The following TRIML1 variants were observed in gnomAD, a reference collection of about 807,000 sequenced individuals.
TRIML1 encodes the protein probable E3 ubiquitin-protein ligase TRIML1.
In TRIML1, 34 loss-of-function variants were observed where a neutral mutation model predicts 32.3. The ratio of observed to expected loss-of-function variants is 1.05; its 90% CI spans 0.80 to 1.40. The LOEUF (loss-of-function observed/expected upper bound fraction) is 1.40, where lower values mean the gene tolerates loss of function less well. Among genes scored for constraint, TRIML1 ranks in the 40% most tolerant of loss-of-function variants. The pLI is 0.00. For missense variants in TRIML1, 595 were observed against 574.9 expected, an observed-to-expected ratio of 1.03 and a Z score of -0.36; for synonymous variants, 244 against 226.6, an observed-to-expected ratio of 1.08 and a Z score of -0.69.
rs567599035 is a variant in TRIML1 at position 188,139,799 on chromosome 4, C to T, written c.241C>T (p.Leu81Phe). The T allele has an allele frequency of 6.2e-6, 10 of 1,613,944 alleles. No individual in the cohort carries two copies. The Admixed American group carries it at 1.3e-4, about 22-fold the overall frequency. The change falls in exon 1 of 6, where the codon CTC (leucine) becomes TTC (phenylalanine). Residue 81 changes from leucine to phenylalanine, a missense_variant. Transcript: ENST00000332517. ...LGRLASIARQLRSQVLQSEDE... is the reference protein window; with the variant it reads ...LGRLASIARQFRSQVLQSEDE... ...GAGGCTGGCCAGCATCGCCAGGCAG[C>T]TCCGGTCCCAGGTGCTGCAGAGCGA... is the stretch of plus-strand genomic sequence containing the variant.
In TRIML1 at chr4:188,142,486, A is replaced by G; in HGVS notation, c.735+4A>G. The G allele has an allele frequency of 1.2e-6, 2 of 1,607,818 alleles. No individual in the cohort carries two copies. Among genetic ancestry groups the G allele is most frequent in the Non-Finnish European group, 1.7e-6 (2 of 1,175,136 alleles). Reference sequence around the variant, plus strand: ...CTCGGCTTTCGAATCTCTTGAGGTGAGAATAACATTCATGAGAGTAATGGG... The same window carrying G: ...CTCGGCTTTCGAATCTCTTGAGGTGGGAATAACATTCATGAGAGTAATGGG... On this transcript the variant is annotated splice_donor_region_variant and intron_variant, in intron 3 of 5. Transcript: ENST00000332517.
chr4:188,139,574 C>T lies in TRIML1; in HGVS notation c.16C>T (p.Leu6=), dbSNP rs1356766043. 1 of 1,591,086 alleles carries T rather than the reference C, an allele frequency of 6.3e-7. No homozygotes were observed. Among genetic ancestry groups the T allele is most frequent in the South Asian group, 1.1e-5 (1 of 88,556 alleles). The change falls in exon 1 of 6, where the codon CTG becomes TTG. Residue 6 remains leucine, a synonymous_variant. Transcript: ENST00000332517. ...CCTCGAGAAAATGTCTACAGCAGAT[C>T]TGATGGAGAACCTCAGGGAGGAACT... MSTAD[L]MENLREELTC...
At chr4:188,148,422 C>T (rs757757430), downstream of TRIML1, among the ~76,000 whole-genome samples, 9 of 151,668 alleles carry the variant, frequency 5.9e-5, no homozygotes, top group Non-Finnish European at 8.8e-5. Context: ...TGAACCCGGG[C>T]GGCGGAGGTT....
intron 3 of TRIML1, chr4:188,143,257 T>C (rs7375581): frequency 0.4 from 61,516 of 152,204 alleles, 13,789 homozygotes; most frequent in Non-Finnish European, 0.5. Context: ...GGTTTCACAA[T>C]GTTGGCCAGG....
intron 2 of TRIML1, 111 bp downstream of exon 2, chr4:188,140,734 T>A: frequency 1.3e-6 from 1 of 785,874 alleles, no homozygotes; most frequent in South Asian, 1.7e-5. Context: ...CAGTCTCACC[T>A]CTAAAATATG....
In TRIML1 at chr4:188,142,365, G is replaced by T. The variant is rs1416835599; in HGVS notation, c.618G>T (p.Glu206Asp). 1 of 1,613,726 alleles carries T rather than the reference G, an allele frequency of 6.2e-7. No individual in the cohort carries two copies. The highest frequency in any genetic ancestry group is 1.7e-5 in the Admixed American group (1 of 59,914). ...QLQLLEQEEKENMRKLRNNEI... is the reference protein window; with the variant it reads ...QLQLLEQEEKDNMRKLRNNEI... ...AGCTACTAGAACAGGAAGAGAAAGA[G>T]AACATGAGGAAGCTGAGGAACAATG... Residue 206 changes from glutamate to aspartate, a missense_variant, in exon 3 of 6, where the codon GAG (glutamate) becomes GAT (aspartate). Physicochemically the swap from Glu to Asp is conservative, Grantham distance 45. Coordinates refer to ENST00000332517, the MANE Select transcript of TRIML1 (RefSeq NM_178556.5).
downstream of TRIML1, among the ~76,000 whole-genome samples, chr4:188,148,710 C>A (rs1380300199): frequency 6.6e-6 from 1 of 151,310 alleles, no homozygotes; most frequent in Non-Finnish European, 1.5e-5. Context: ...TCAAGCAATT[C>A]TCCTGCCTCA....
chr4:188,137,780 T>C (rs1162349275), upstream of TRIML1, among the ~76,000 whole-genome samples: 1 of 151,186 alleles, frequency 6.6e-6, no homozygotes, highest in African/African-American at 2.4e-5. Flanking sequence ...CCCGGCCTAA[T>C]TTTCATATTT....
At chr4:188,140,752 C>T (rs1447337480) in intron 2 of TRIML1, 129 bp downstream of exon 2, 2 of 685,450 alleles carry the variant, frequency 2.9e-6, no homozygotes, top group African/African-American at 1.8e-5. Flanking sequence ...ATGCAGTTTC[C>T]TTGCATTGGG....
downstream of TRIML1, among the ~76,000 whole-genome samples, chr4:188,149,326 T>A (rs186333329): frequency 2.6e-5 from 4 of 152,144 alleles, no homozygotes; most frequent in Non-Finnish European, 4.4e-5. Context: ...GCCATTGTCC[T>A]AAGGCAGGCA....
chr4:188,149,063 A>G (rs547280826), downstream of TRIML1, among the ~76,000 whole-genome samples: 3 of 149,890 alleles, frequency 2.0e-5, no homozygotes, highest in African/African-American at 7.4e-5. Flanking sequence ...AAAGGCGCCC[A>G]CCACCACGCC....
downstream of TRIML1, among the ~76,000 whole-genome samples, chr4:188,150,548 A>C (rs1262872598): frequency 2.6e-5 from 4 of 152,310 alleles, no homozygotes; most frequent in African/African-American, 9.6e-5. Flanking sequence ...CAAAAATCCC[A>C]GTTTTGTGGA....
intron 1 of TRIML1, 149 bp downstream of exon 1, chr4:188,140,115 CT>C (rs1368581371): frequency 4.3e-5 from 34 of 793,782 alleles, no homozygotes; most frequent in Middle Eastern, 3.8e-4. Flanking sequence ...AGTTTACACC[CT>C]TTTTTTTCCC....
chr4:188,150,064 A>G (rs777642516), downstream of TRIML1, among the ~76,000 whole-genome samples: 6 of 151,974 alleles, frequency 3.9e-5, no homozygotes, highest in Non-Finnish European at 8.8e-5. Context: ...TCAGCCTCCC[A>G]AAGTGTTGAG....
chr4:188,146,599 G>A (rs755722576), intron 5 of TRIML1, among the ~76,000 whole-genome samples: 11 of 151,982 alleles, frequency 7.2e-5, no homozygotes, highest in African/African-American at 2.4e-4. Flanking sequence ...TAGTAGAGAC[G>A]GGGTTTCACC....
At position 188,140,277 on chromosome 4, in the gene TRIML1, C is replaced by T. The variant is rs181891121; in HGVS notation, c.409-251C>T. Among the ~76,000 whole-genome samples, 292 of 152,192 alleles carry T rather than the reference C, an allele frequency of 1.9e-3. 2 individuals carry two copies. The highest frequency in any genetic ancestry group is 6.7e-3 in the African/African-American group (278 of 41,540). On this transcript the variant is annotated intron_variant, in intron 1 of 5. Transcript: ENST00000332517. ...CTGGGACTACAGTCACCCACCACCA[C>T]GCCCGGCTAATTTTTTGTATTTTTA...
In TRIML1 at chr4:188,139,544, TC is replaced by T. The variant is rs1560968948; in HGVS notation, c.-13del. 3 of 1,554,190 alleles carry T rather than the reference TC, an allele frequency of 1.9e-6. No individual in the cohort carries two copies. The highest frequency in any genetic ancestry group is 2.3e-5 in the East Asian group (1 of 44,156). Reference sequence around the variant, plus strand: ...AACAGAGGTGTAACCTGGCTGCATATCCAGCCTCGAGAAAATGTCTACAGCA... The same window carrying T: ...AACAGAGGTGTAACCTGGCTGCATATCAGCCTCGAGAAAATGTCTACAGCA... On this transcript the variant is annotated 5_prime_UTR_variant, in exon 1 of 6. Coordinates refer to ENST00000332517, the MANE Select transcript of TRIML1 (RefSeq NM_178556.5).
Position 188,139,939 on chromosome 4 carries a change from C to A in TRIML1, c.381C>A (p.Leu127=). The A allele has an allele frequency of 6.2e-7, 1 of 1,611,796 alleles. No individual in the cohort carries two copies. The highest frequency in any genetic ancestry group is 1.1e-5 in the South Asian group (1 of 90,876). The change falls in exon 1 of 6, where the codon CTC becomes CTA. Residue 127 remains leucine (L), a synonymous_variant. Coordinates refer to ENST00000332517, the MANE Select transcript of TRIML1 (RefSeq NM_178556.5). ...AQSHGANRVH[L]SSEAEEHHRE... is the part of the protein sequence containing the mutation. ...GCCATGGTGCAAACAGAGTGCATCT[C>A]TCCAGCGAGGCTGAGGAGCATCACA...
At chr4:188,137,295 C>CTTTTTTTTTTTTTTTT (rs67050879), upstream of TRIML1, among the ~76,000 whole-genome samples, 1 of 58,758 alleles carries the variant, frequency 1.7e-5, no homozygotes, top group African/African-American at 6.4e-5. Context: ...TTATTGTAGT[C>CTTTTTTTTTTTTTTTT]TTTTTTTTTT....
Sources: allele counts gnomAD v4.1 joint callset (sites outside exome capture counted in the v4.1 genomes callset), GRCh38; gene constraint gnomAD v4.1.1; transcripts MANE v1.5; gene names NCBI Gene and HGNC (gene_info 2026-07-23, HGNC 2026-07-21).